VPS37A: variants seen among roughly 807,000 people sequenced by gnomAD.
VPS37A encodes the protein VPS37A subunit of ESCRT-I.
Under a neutral mutation model 49.8 loss-of-function variants are expected in VPS37A, and 30 were observed. The observed-to-expected ratio is 0.60, with a 90% confidence interval of 0.45 to 0.82. VPS37A has a LOEUF of 0.82. Ranked by LOEUF, VPS37A falls within the 40% of genes least tolerant of loss-of-function variation. The pLI is 0.00. For missense variants in VPS37A, 593 were observed against 464.4 expected (o/e 1.28, Z -2.55); for synonymous variants, 195 against 160.6 (o/e 1.21, Z -1.62).
At chr8:17,262,220 C>A (rs1563248828) in intron 1 of VPS37A, among the ~76,000 whole-genome samples, 1 of 151,986 alleles carries the variant, frequency 6.6e-6, no homozygotes, top group Non-Finnish European at 1.5e-5. Context: ...TATTTGAGTT[C>A]TGGGATGTCG....
chr8:17,279,015 A>G (rs986879401), intron 6 of VPS37A, among the ~76,000 whole-genome samples: 1 of 152,076 alleles, frequency 6.6e-6, no homozygotes, highest in African/African-American at 2.4e-5. Context: ...TTTTTGGTTT[A>G]GCCCTCCATT....
chr8:17,299,844 G>A, downstream of VPS37A: 2 of 1,612,306 alleles, frequency 1.2e-6, no homozygotes, highest in East Asian at 2.2e-5. Context: ...CTTTACTTTG[G>A]AACTCCAAAG....
At chr8:17,264,098 A>G (rs1341948523) in intron 1 of VPS37A, among the ~76,000 whole-genome samples, 2 of 152,140 alleles carry the variant, frequency 1.3e-5, no homozygotes, top group Non-Finnish European at 2.9e-5. Context: ...AATCTAACAA[A>G]TCTTTTAGGT....
intron 1 of VPS37A, among the ~76,000 whole-genome samples, chr8:17,249,684 A>G (rs749461942): frequency 4.6e-5 from 7 of 152,204 alleles, no homozygotes; most frequent in African/African-American, 7.2e-5. Context: ...ATCTGTCTGT[A>G]TGGTATCTGA....
Position 17,296,447 on chromosome 8 carries a change from G to A in VPS37A, c.*1461G>A, listed in dbSNP as rs1263033559. 6.6e-6 allele frequency: 1 copy of A among 152,108 alleles called. No homozygotes were observed. The highest frequency in any genetic ancestry group is 1.5e-5 in the Non-Finnish European group (1 of 68,022). 9.4% of individuals were successfully genotyped at this position (152,108 alleles called of 1,614,324 possible). On this transcript the variant is annotated 3_prime_UTR_variant, in exon 12 of 12. Coordinates refer to ENST00000324849, the MANE Select transcript of VPS37A (RefSeq NM_152415.3). ...TTTCAAATTTATGATAGTCTTTTGG[G>A]TATTCAGAAACCTTTCCTTATACTG...
At chr8:17,315,911 G>A in the VPS37A span, among the ~76,000 whole-genome samples, 1 of 152,138 alleles carries the variant, frequency 6.6e-6, no homozygotes, top group East Asian at 1.9e-4. Flanking sequence ...TACTTGGGAG[G>A]CTGAGTTGAG....
chr8:17,324,443 T>C, the VPS37A span, among the ~76,000 whole-genome samples: 26 of 152,272 alleles, frequency 1.7e-4, no homozygotes, highest in East Asian at 5.0e-3. Context: ...AGCCAGTAAA[T>C]AACTGAGCTG....
At position 17,295,801 on chromosome 8, in the gene VPS37A, A is replaced by C. The variant is rs1816579979; in HGVS notation, c.*815A>C. 6.6e-6 allele frequency: 1 copy of C among 152,232 alleles called. No homozygotes were observed. 9.4% of individuals were successfully genotyped at this position (152,232 alleles called of 1,614,324 possible). ...TATACACTAAATCTATACACAAAAAAAGTCAGTGAACTTTTCTGACCTTTA... is the reference window on the plus strand; with the variant it reads ...TATACACTAAATCTATACACAAAAACAGTCAGTGAACTTTTCTGACCTTTA... On this transcript the variant is annotated 3_prime_UTR_variant, in exon 12 of 12. Coordinates refer to ENST00000324849, the MANE Select transcript of VPS37A (RefSeq NM_152415.3).
At chr8:17,285,882 C>T (rs1171708281) in intron 10 of VPS37A, among the ~76,000 whole-genome samples, 2 of 152,078 alleles carry the variant, frequency 1.3e-5, no homozygotes, top group South Asian at 2.1e-4. Flanking sequence ...AGCTTGTAGG[C>T]GAAGGCTGTC....
intron 1 of VPS37A, among the ~76,000 whole-genome samples, chr8:17,255,722 G>C (rs145784115): frequency 4.3e-4 from 66 of 152,080 alleles, no homozygotes; most frequent in African/African-American, 1.5e-3. Flanking sequence ...ACCCTTCCTA[G>C]TGTCTGGAAC....
the VPS37A span, among the ~76,000 whole-genome samples, chr8:17,318,791 C>T: frequency 6.6e-6 from 1 of 152,158 alleles, no homozygotes; most frequent in Non-Finnish European, 1.5e-5. Context: ...AGTTCTGTGC[C>T]CCCCAGGGAC....
At position 17,274,782 on chromosome 8, in the gene VPS37A, C is replaced by CA; in HGVS notation, c.466_467insA (p.Pro156HisfsTer22). ...GTCTCCTTATGCTTCTCAGGGTTTT[C>CA]CATTTCTTCCTCCATATCCTCCACA... is the stretch of plus-strand genomic sequence containing the variant. On this transcript the variant is annotated frameshift_variant, in exon 5 of 12. Transcript: ENST00000324849. LOFTEE classifies it high-confidence loss of function. 6.2e-7 allele frequency: 1 copy of CA among 1,614,090 alleles called. No homozygotes were observed. The highest frequency in any genetic ancestry group is 8.5e-7 in the Non-Finnish European group (1 of 1,180,000).
chr8:17,247,678 C>T (rs1416833445), intron 1 of VPS37A: 5 of 703,130 alleles, frequency 7.1e-6, no homozygotes, highest in African/African-American at 3.5e-5. Context: ...TCCCTTGCTG[C>T]CCAGGCTTCG....
intron 6 of VPS37A, among the ~76,000 whole-genome samples, chr8:17,277,327 A>G (rs1186032797): frequency 6.6e-6 from 1 of 151,992 alleles, no homozygotes; most frequent in Non-Finnish European, 1.5e-5. Flanking sequence ...GCTCACAATA[A>G]CCCCATAAGG....
At chr8:17,331,603 ACCAAGTAGT>A in the VPS37A span, among the ~76,000 whole-genome samples, 1 of 152,208 alleles carries the variant, frequency 6.6e-6, no homozygotes, top group Non-Finnish European at 1.5e-5. Flanking sequence ...CTGTGATGGA[ACCAAGTAGT>A]CCAATTTAAT....
chr8:17,304,230 G>T (rs1186763219), downstream of VPS37A: 2 of 802,066 alleles, frequency 2.5e-6, no homozygotes, highest in Non-Finnish European at 3.6e-6. Flanking sequence ...AAAAATACCA[G>T]ATCAGATATT....
At chr8:17,318,169 G>T in the VPS37A span, among the ~76,000 whole-genome samples, 2 of 152,232 alleles carry the variant, frequency 1.3e-5, no homozygotes, top group Admixed American at 1.3e-4. Flanking sequence ...CTGAAACCCT[G>T]GGCCTAGTCT....
chr8:17,283,137 A>G (rs1030878950), intron 9 of VPS37A, among the ~76,000 whole-genome samples: 4 of 152,126 alleles, frequency 2.6e-5, no homozygotes, highest in African/African-American at 7.2e-5. Flanking sequence ...ATGAGTCACA[A>G]AGAGATACTA....
At chr8:17,292,860 C>G (rs1816277308) in intron 11 of VPS37A, among the ~76,000 whole-genome samples, 2 of 152,196 alleles carry the variant, frequency 1.3e-5, no homozygotes, top group East Asian at 3.8e-4. Flanking sequence ...GTGGGTAACC[C>G]AACCTTTTTC....
Sources: gnomAD v4.1 joint callset for allele counts (sites outside exome capture counted in the v4.1 genomes callset) on GRCh38, gnomAD v4.1.1 for gene constraint, MANE v1.5 for transcripts, NCBI Gene and HGNC (gene_info 2026-07-23, HGNC 2026-07-21) for gene names.